RASIP1: variants seen among roughly 807,000 people sequenced by gnomAD.
RASIP1 encodes ras-interacting protein 1.
Under a neutral mutation model 85.3 loss-of-function variants are expected in RASIP1, and 20 were observed. The ratio of observed to expected loss-of-function variants is 0.23; its 90% CI spans 0.17 to 0.34. The LOEUF (loss-of-function observed/expected upper bound fraction) is 0.34, where lower values mean the gene tolerates loss of function less well. RASIP1 is among the 10% of genes least tolerant of loss of function. The pLI is 1.00. For missense variants in RASIP1, 1,170 were observed against 1,390.9 expected (o/e 0.84, Z 2.53); for synonymous variants, 617 against 647.1 (o/e 0.95, Z 0.71).
chr19:48,739,541 G>T lies in RASIP1; in HGVS notation c.242C>A (p.Ala81Asp). The T allele has an allele frequency of 2.6e-6, 4 of 1,515,642 alleles. No homozygotes were observed. Among genetic ancestry groups the T allele is most frequent in the Non-Finnish European group, 3.5e-6 (4 of 1,136,542 alleles). The allele number at this position is 1,515,642 out of a possible 1,614,324, so 93.9% of individuals were successfully genotyped here. The part of the protein sequence containing the change: ...RVGAVKAAGG[A>D]SGSRAKRISQ... The stretch of plus-strand genomic sequence containing the variant: ...GATGCGCTTGGCGCGGCTACCGGAG[G>T]CTCCCCCGGCCGCCTTGACAGCGCC... Residue 81 changes from alanine (A) to aspartate (D), a missense_variant, in exon 3 of 12, where the codon GCC becomes GAC. By Grantham distance (126) the Ala-to-Asp change is moderately radical. Coordinates refer to ENST00000222145, the MANE Select transcript of RASIP1 (RefSeq NM_017805.3). The surrounding 1 kb of genome is among the most constrained non-coding windows in gnomAD (Gnocchi z 9.2).
At position 48,739,155 on chromosome 19, in the gene RASIP1, G is replaced by A; in HGVS notation, c.628C>T (p.Arg210Trp). 4.3e-6 allele frequency: 6 copies of A among 1,406,352 alleles called. No individual in the cohort carries two copies. The highest frequency in any genetic ancestry group is 3.7e-6 in the Non-Finnish European group (4 of 1,086,486). The allele number at this position is 1,406,352 out of a possible 1,614,324, so 87.1% of individuals were successfully genotyped here. A position where few individuals can be genotyped will look rare whatever the true frequency, so the allele number is the denominator to read the frequency against. Reference sequence around the variant, plus strand: ...CTTCCCACGCCCGCCGCCGCGGGCCGGCCCAGAGCGTCGCACAAAGCGAAG... The same window carrying A: ...CTTCCCACGCCCGCCGCCGCGGGCCAGCCCAGAGCGTCGCACAAAGCGAAG... ...DAFALCDALG[R>W]PAAAGVGSGE... Residue 210 changes from arginine (R) to tryptophan (W), a missense_variant, in exon 3 of 12, where the codon CGG becomes TGG. Arg to Trp is a moderately radical substitution (Grantham distance 101). Around this residue, in one of 4 missense-constraint regions of RASIP1, gnomAD observed 299 missense variants for 394.4 expected, o/e 0.76. Transcript: ENST00000222145. This position sits in a 1 kb window ranked among gnomAD's most constrained non-coding sequence, Gnocchi z 9.2.
chr19:48,735,769 T>C (rs418464), intron 3 of RASIP1, among the ~76,000 whole-genome samples: 52,790 of 152,016 alleles, frequency 0.35, 10,998 homozygotes, highest in Middle Eastern at 0.57. Context: ...TCATTCATTC[T>C]TTTCCATTGA....
In RASIP1 at chr19:48,729,416, G is replaced by C; in HGVS notation, c.1354C>G (p.Pro452Ala). 6.4e-7 allele frequency: 1 copy of C among 1,557,884 alleles called. No homozygotes were observed. The highest frequency in any genetic ancestry group is 8.7e-7 in the Non-Finnish European group (1 of 1,151,350). The stretch of plus-strand genomic sequence containing the variant: ...TGCGTGACTGGGGCGCCCCGGGACG[G>C]GCGCACCATGGCCGGGTGCTCAGGG... ...AGPEHPAMVR[P>A]SRGAPVTHNG... Residue 452 changes from proline (P) to alanine (A), a missense_variant, in exon 5 of 12, where the codon CCG (proline) becomes GCG (alanine). By Grantham distance (27) the Pro-to-Ala change is conservative (BLOSUM62 -1). Around this residue, in one of 4 missense-constraint regions of RASIP1, gnomAD observed 301 missense variants for 294.8 expected, o/e 1.02. Transcript: ENST00000222145.
rs1283333578 is a variant in RASIP1 at position 48,738,874 on chromosome 19, T to A, written c.823+86A>T. On this transcript the variant is annotated intron_variant, in intron 3 of 11. Transcript: ENST00000222145. This position sits in a 1 kb window ranked among gnomAD's most constrained non-coding sequence, Gnocchi z 4.0. ...GCCCCGCCCCCAGCCAGCCCGCGAGTCCCACAAGCCCCGCCCAGGCCCCGC... is the reference window on the plus strand; with the variant it reads ...GCCCCGCCCCCAGCCAGCCCGCGAGACCCACAAGCCCCGCCCAGGCCCCGC... 3.3e-6 allele frequency: 3 copies of A among 913,148 alleles called. No individual in the cohort carries two copies. The African/African-American group carries it at 7.5e-5, about 23-fold the overall frequency. The allele number at this position is 913,148 out of a possible 1,614,324, so 56.6% of individuals were successfully genotyped here.
At chr19:48,733,821 T>TG (rs1176348221) in intron 4 of RASIP1, among the ~76,000 whole-genome samples, 3 of 137,126 alleles carry the variant, frequency 2.2e-5, no homozygotes, top group Non-Finnish European at 3.1e-5. Flanking sequence ...AAAAAAAGTG[T>TG]GGGGGGGAGG....
chr19:48,720,756 C>T lies in RASIP1; in HGVS notation c.*42G>A, dbSNP rs768148663. On this transcript the variant is annotated 3_prime_UTR_variant, in exon 12 of 12. Transcript: ENST00000222145. ...CAGGCGGGCTCCTGTCCGTAGAAGC[C>T]CGTGACATTTCAAGGTTCGCGCGCT... 2 of 1,595,332 alleles carry T rather than the reference C, an allele frequency of 1.3e-6. No homozygotes were observed. The highest frequency in any genetic ancestry group is 8.6e-7 in the Non-Finnish European group (1 of 1,163,396).
chr19:48,732,338 C>T (rs1031694822), intron 4 of RASIP1, among the ~76,000 whole-genome samples: 1 of 151,796 alleles, frequency 6.6e-6, no homozygotes, highest in Non-Finnish European at 1.5e-5. Context: ...TCACTACAAG[C>T]TCCGCCTCCC....
At position 48,720,903 on chromosome 19, in the gene RASIP1, G is replaced by A; in HGVS notation, c.2787C>T (p.Ala929=). Residue 929 remains alanine, a synonymous_variant, in exon 12 of 12, where the codon GCC becomes GCT. Transcript: ENST00000222145. Reference sequence around the variant, plus strand: ...GGAGCCTACGGAGTTCACGGTGCAAGGCATCGTCCGTCACTGGACCAGTGA... The same window carrying A: ...GGAGCCTACGGAGTTCACGGTGCAAAGCATCGTCCGTCACTGGACCAGTGA... ...LRLTGPVTDD[A]LHRELRRLRR... 6.2e-7 allele frequency: 1 copy of A among 1,613,906 alleles called. No homozygotes were observed. The highest frequency in any genetic ancestry group is 2.2e-5 in the East Asian group (1 of 44,860).
In RASIP1 at chr19:48,729,076, G is replaced by T; in HGVS notation, c.1694C>A (p.Ala565Asp). ...GAGGGGCGGCAGGTCTCCCGAGCCGGCGGCTGCGGCGCGCACGATCTCGCC... is the reference window on the plus strand; with the variant it reads ...GAGGGGCGGCAGGTCTCCCGAGCCGTCGGCTGCGGCGCGCACGATCTCGCC... ...LLGEIVRAAA[A>D]GSGDLPPLGP... The change falls in exon 5 of 12, where the codon GCC becomes GAC. Residue 565 changes from alanine (A) to aspartate (D), a missense_variant. Around this residue, in one of 4 missense-constraint regions of RASIP1, gnomAD observed 426 missense variants for 576.2 expected, o/e 0.74. Coordinates refer to ENST00000222145, the MANE Select transcript of RASIP1 (RefSeq NM_017805.3). 1 of 1,378,644 alleles carries T rather than the reference G, an allele frequency of 7.3e-7. No individual in the cohort carries two copies. Among genetic ancestry groups the T allele is most frequent in the Non-Finnish European group, 9.3e-7 (1 of 1,075,606 alleles). 85.4% of individuals were successfully genotyped at this position (1,378,644 alleles called of 1,614,324 possible).
Position 48,724,571 on chromosome 19 carries a change from G to C in RASIP1, c.2372-62C>G. 1.3e-6 allele frequency: 2 copies of C among 1,582,784 alleles called. No homozygotes were observed. On this transcript the variant is annotated intron_variant, in intron 9 of 11. Transcript: ENST00000222145. This position sits in a 1 kb window ranked among gnomAD's most constrained non-coding sequence, Gnocchi z 4.6. ...CTGGACTCTGTGCTCCTGCCTCCCA[G>C]ACTCTTCCTATCCTTCAGCCTGGGA... is the stretch of plus-strand genomic sequence containing the variant.
In RASIP1 at chr19:48,735,471, G is replaced by C; in HGVS notation, c.904C>G (p.Pro302Ala). Residue 302 changes from proline to alanine, a missense_variant, in exon 4 of 12, where the codon CCG (proline) becomes GCG (alanine). Around this residue, in one of 4 missense-constraint regions of RASIP1, gnomAD observed 301 missense variants for 294.8 expected, o/e 1.02. Coordinates refer to ENST00000222145, the MANE Select transcript of RASIP1 (RefSeq NM_017805.3). ...GCTGGGGCCCCTGATCCGGTCCCCG[G>C]GCCAGGACTGGCCAGCGCTGCCCCA... is the stretch of plus-strand genomic sequence containing the variant. Reference protein sequence around the residue: ...SGGAALASPGPGTGSGAPAGS... With the variant: ...SGGAALASPGAGTGSGAPAGS... 1 of 1,574,240 alleles carries C rather than the reference G, an allele frequency of 6.4e-7. No homozygotes were observed. The highest frequency in any genetic ancestry group is 8.6e-7 in the Non-Finnish European group (1 of 1,160,272).
chr19:48,731,188 C>T (rs1428328388), intron 4 of RASIP1, among the ~76,000 whole-genome samples: 2 of 152,140 alleles, frequency 1.3e-5, no homozygotes, highest in Non-Finnish European at 2.9e-5. Context: ...GCGGGAAAAT[C>T]GCTTGAACCT....
chr19:48,734,274 G>A (rs1165688914), intron 4 of RASIP1, among the ~76,000 whole-genome samples: 2 of 151,594 alleles, frequency 1.3e-5, no homozygotes, highest in African/African-American at 2.4e-5. Flanking sequence ...CAGCCTGGGC[G>A]ACAGAGAGAG....
At position 48,724,547 on chromosome 19, in the gene RASIP1, T is replaced by C. The variant is rs940339145; in HGVS notation, c.2372-38A>G. ...AAGGTATGAGAGGCAGTTGGTTGGCTGGACTCTGTGCTCCTGCCTCCCAGA... is the reference window on the plus strand; with the variant it reads ...AAGGTATGAGAGGCAGTTGGTTGGCCGGACTCTGTGCTCCTGCCTCCCAGA... On this transcript the variant is annotated intron_variant, in intron 9 of 11. Coordinates refer to ENST00000222145, the MANE Select transcript of RASIP1 (RefSeq NM_017805.3). This position sits in a 1 kb window ranked among gnomAD's most constrained non-coding sequence, Gnocchi z 4.6. 8 of 1,597,914 alleles carry C rather than the reference T, an allele frequency of 5.0e-6. No individual in the cohort carries two copies. In the African/African-American group the frequency reaches 1.1e-4, roughly 21 times the overall value.
Position 48,739,311 on chromosome 19 carries a change from C to T in RASIP1, c.472G>A (p.Gly158Ser). Reference sequence around the variant, plus strand: ...GCCAGCACGCTCTTGTAGTTGGCGCCCGATGCCAGTCCGGCGCCGAAGATC... The same window carrying T: ...GCCAGCACGCTCTTGTAGTTGGCGCTCGATGCCAGTCCGGCGCCGAAGATC... ...LKIFGAGLAS[G>S]ANYKSVLATA... is the part of the protein sequence containing the mutation. Residue 158 changes from glycine to serine, a missense_variant, in exon 3 of 12, where the codon GGC becomes AGC. This residue lies in a region of RASIP1 where 299 missense variants were observed against 394.4 expected (regional missense o/e 0.76). Transcript: ENST00000222145. This position sits in a 1 kb window ranked among gnomAD's most constrained non-coding sequence, Gnocchi z 9.2. 1.4e-6 allele frequency: 2 copies of T among 1,397,298 alleles called. No individual in the cohort carries two copies. The highest frequency in any genetic ancestry group is 1.5e-5 in the African/African-American group (1 of 66,136). The allele number at this position is 1,397,298 out of a possible 1,614,324, so 86.6% of individuals were successfully genotyped here. A position where few individuals can be genotyped will look rare whatever the true frequency, so the allele number is the denominator to read the frequency against.
chr19:48,733,791 CTG>C (rs1040181463), intron 4 of RASIP1, among the ~76,000 whole-genome samples: 5 of 141,964 alleles, frequency 3.5e-5, no homozygotes, highest in Non-Finnish European at 7.7e-5. Context: ...GGGTGACAGA[CTG>C]AGAATCCATC....
intron 5 of RASIP1, 104 bp from the exon 6 acceptor site, chr19:48,727,534 C>G: frequency 2.4e-6 from 3 of 1,260,924 alleles, no homozygotes; most frequent in Non-Finnish European, 3.4e-6. Flanking sequence ...AGAGACTGGT[C>G]CTACTTTTCT....
At chr19:48,733,077 G>T (rs1408977358) in intron 4 of RASIP1, among the ~76,000 whole-genome samples, 1 of 152,180 alleles carries the variant, frequency 6.6e-6, no homozygotes, top group African/African-American at 2.4e-5. Context: ...CTCCTGGAGT[G>T]CAGTGGTGTG....
Position 48,721,901 on chromosome 19 carries a change from GGCGGCCCGC to G in RASIP1, c.2636_2644del (p.Arg879_Pro881del). On this transcript the variant is annotated inframe_deletion, in exon 11 of 12. Transcript: ENST00000222145. ...TGCAGGGGGAGGGTCCCACGCGGCTGGCGGCCCGCGGCCAGGGCCCAGCTGATAGTGGCT... is the reference window on the plus strand; with the variant it reads ...TGCAGGGGGAGGGTCCCACGCGGCTGGGCCAGGGCCCAGCTGATAGTGGCT... 6.2e-7 allele frequency: 1 copy of G among 1,605,710 alleles called. No homozygotes were observed. Among genetic ancestry groups the G allele is most frequent in the Non-Finnish European group, 8.5e-7 (1 of 1,176,350 alleles).
Sources: gnomAD v4.1 joint callset for allele counts (sites outside exome capture counted in the v4.1 genomes callset) on GRCh38, gnomAD v4.1.1 for gene constraint, gnomAD v4.1.1 regional missense constraint, Gnocchi (gnomAD v3.1) non-coding constraint, MANE v1.5 for transcripts, NCBI Gene and HGNC (gene_info 2026-07-23, HGNC 2026-07-21) for gene names.